MED12L: variants seen among roughly 807,000 people sequenced by gnomAD.
MED12L encodes the protein mediator complex subunit 12L, also known as mediator of RNA polymerase II transcription subunit 12-like protein.
A neutral mutation model predicts 281.3 loss-of-function variants in MED12L; 60 were observed. The ratio of observed to expected loss-of-function variants is 0.21; its 90% confidence interval spans 0.17 to 0.26. MED12L has a LOEUF of 0.26. MED12L is among the 10% of genes least tolerant of loss of function. The probability of loss-of-function intolerance (pLI) is 1.00; values close to 1 mark genes in which losing one functional copy is unlikely to be tolerated. For missense variants in MED12L, 2,146 were observed against 2,680.9 expected, an observed-to-expected ratio of 0.80 and a Z score of 4.41; for synonymous variants, 974 against 987.2, an observed-to-expected ratio of 0.99 and a Z score of 0.25.
intron 16 of MED12L, among the ~76,000 whole-genome samples, chr3:151,268,635 C>G (rs1740285777): frequency 6.6e-6 from 1 of 152,108 alleles, no homozygotes; most frequent in Non-Finnish European, 1.5e-5. Context: ...TTTTTTAAAT[C>G]TAGAATGTTA....
chr3:151,227,829 T>A (rs1730838123), intron 16 of MED12L, among the ~76,000 whole-genome samples: 1 of 152,220 alleles, frequency 6.6e-6, no homozygotes, highest in South Asian at 2.1e-4. Flanking sequence ...TTAACTGTTT[T>A]TTTCGGTTTC....
At chr3:151,312,090 T>C (rs2149783246) in intron 16 of MED12L, among the ~76,000 whole-genome samples, 1 of 152,330 alleles carries the variant, frequency 6.6e-6, no homozygotes, top group South Asian at 2.1e-4. Context: ...TCCCAATTTG[T>C]CTTGGAGCCG....
rs543839614 is a variant in MED12L, at chr3:151,311,753, G to A, written c.2251-38306G>A. Among the ~76,000 whole-genome samples, 24 of 152,214 alleles carry A rather than the reference G, an allele frequency of 1.6e-4. 1 individual carries two copies. Among genetic ancestry groups the A allele is most frequent in the Admixed American group, 9.8e-4 (15 of 15,292 alleles). On this transcript the variant is annotated intron_variant, in intron 16 of 44. Transcript: ENST00000687756. ...GTAAACAGTTAATTTTAGGCCAGGC[G>A]TGGTGGCTCATGCCTGTAATCCCAG...
At chr3:151,294,183 A>C (rs761932024) in intron 16 of MED12L, 17 of 1,590,992 alleles carry the variant, frequency 1.1e-5, no homozygotes, top group Non-Finnish European at 1.3e-5. Context: ...ACATCAGTGT[A>C]ATCATAATAT....
chr3:151,116,064 C>CAAAAA (rs59017489), intron 2 of MED12L, among the ~76,000 whole-genome samples: 13 of 92,224 alleles, frequency 1.4e-4, no homozygotes, highest in Non-Finnish European at 2.6e-4. Context: ...ACTCCATCTC[C>CAAAAA]AAAAAAAAAA....
At chr3:151,339,967 C>T (rs1350280087) in intron 16 of MED12L, among the ~76,000 whole-genome samples, 2 of 151,948 alleles carry the variant, frequency 1.3e-5, no homozygotes, top group African/African-American at 2.4e-5. Context: ...AAATAACTTT[C>T]GTGTAAAAGA....
At chr3:151,191,614 C>T (rs1195546821) in intron 14 of MED12L, among the ~76,000 whole-genome samples, 1 of 152,020 alleles carries the variant, frequency 6.6e-6, no homozygotes, top group African/African-American at 2.4e-5. Context: ...TGCTTAAAAA[C>T]TGACAGTTTA....
At chr3:151,294,285 A>T (rs961734481) in intron 16 of MED12L, 1 of 1,613,974 alleles carries the variant, frequency 6.2e-7, no homozygotes, top group Non-Finnish European at 8.5e-7. Context: ...CTTCTTGAAA[A>T]TGACCTACAC....
At chr3:151,249,096 C>G (rs568616163) in intron 16 of MED12L, 1 of 152,052 alleles carries the variant, frequency 6.6e-6, no homozygotes, top group African/African-American at 2.4e-5. Flanking sequence ...TCTTTGGAGC[C>G]CAGCTCTAAT....
At chr3:151,301,157 C>T (rs1186576497) in intron 16 of MED12L, among the ~76,000 whole-genome samples, 2 of 152,128 alleles carry the variant, frequency 1.3e-5, no homozygotes, top group Non-Finnish European at 2.9e-5. Flanking sequence ...TGGGTGCCAG[C>T]ATCACATTAT....
In MED12L at chr3:151,328,618, G is replaced by C. The variant is rs578001925; in HGVS notation, c.2251-21441G>C. 15 of 1,613,768 alleles carry C rather than the reference G, an allele frequency of 9.3e-6. No individual in the cohort carries two copies. The African/African-American group carries it at 1.5e-4, about 16-fold the overall frequency. On this transcript the variant is annotated intron_variant, in intron 16 of 44. Transcript: ENST00000687756. ...TTAGAAAAATATTTCTCAAAGGTCTGATGATCTTGAGGAATCTGTCAAAGG... is the reference window on the plus strand; with the variant it reads ...TTAGAAAAATATTTCTCAAAGGTCTCATGATCTTGAGGAATCTGTCAAAGG...
intron 11 of MED12L, 38 bp from the exon 12 acceptor site, chr3:151,185,292 A>G (rs1235220087): frequency 1.3e-6 from 2 of 1,594,394 alleles, no homozygotes; most frequent in East Asian, 2.3e-5. Context: ...TGAATGTTTC[A>G]TTTGATGTGG....
chr3:151,271,902 A>G (rs528167542), intron 16 of MED12L, among the ~76,000 whole-genome samples: 27 of 152,328 alleles, frequency 1.8e-4, no homozygotes, highest in Non-Finnish European at 1.2e-4. Context: ...TGATGGAAAT[A>G]CTATTTATCT....
At chr3:151,349,253 GA>G (rs139597859) in intron 16 of MED12L, among the ~76,000 whole-genome samples, 1 of 152,008 alleles carries the variant, frequency 6.6e-6, no homozygotes, top group Non-Finnish European at 1.5e-5. Context: ...CCCACGTGGG[GA>G]AAAAAATGGT....
chr3:151,246,093 A>G (rs1735391394), intron 16 of MED12L, among the ~76,000 whole-genome samples: 2 of 152,164 alleles, frequency 1.3e-5, no homozygotes, highest in South Asian at 2.1e-4. Flanking sequence ...AAGGAGAACT[A>G]CAAACCACTG....
rs1178672073 is a variant in MED12L, at chr3:151,173,195, C to A, written c.1494+7213C>A. ...GAGATGCACGTTATTCTTTTTCTTA[C>A]TTTCTCTTTTTAAAAAATCTTTTAC... On this transcript the variant is annotated intron_variant, in intron 11 of 44. Coordinates refer to ENST00000687756, the MANE Select transcript of MED12L (RefSeq NM_001393769.1). 2.0e-5 allele frequency among the ~76,000 whole-genome samples: 3 copies of A among 151,486 alleles called. No individual in the cohort carries two copies. In the East Asian group the frequency reaches 5.8e-4, roughly 29 times the overall value.
intron 3 of MED12L, among the ~76,000 whole-genome samples, chr3:151,119,587 G>T (rs528682558): frequency 8.5e-5 from 13 of 152,274 alleles, no homozygotes; most frequent in Admixed American, 5.9e-4. Context: ...CACATTGAGG[G>T]TTAAGGCTTG....
At chr3:151,302,021 A>G (rs1745996973) in intron 16 of MED12L, among the ~76,000 whole-genome samples, 1 of 152,236 alleles carries the variant, frequency 6.6e-6, no homozygotes, top group African/African-American at 2.4e-5. Flanking sequence ...TGGAGAGTAG[A>G]TGAGTCAACT....
At chr3:151,402,408 T>C (rs932773788) in intron 39 of MED12L, among the ~76,000 whole-genome samples, 32 of 152,218 alleles carry the variant, frequency 2.1e-4, no homozygotes, top group Admixed American at 6.5e-5. Context: ...CTGTCTACTG[T>C]GATTGGTTGA....
Sources: allele counts gnomAD v4.1 joint callset (sites outside exome capture counted in the v4.1 genomes callset), GRCh38; gene constraint gnomAD v4.1.1; transcripts MANE v1.5; gene names NCBI Gene and HGNC (gene_info 2026-07-23, HGNC 2026-07-21).